The following CPA6 variants were observed in gnomAD, a reference collection of about 807,000 sequenced individuals.
The protein encoded by CPA6 is carboxypeptidase A6.
CPA6 carries 58 observed loss-of-function variants against 63.3 expected under a neutral mutation model. That is an observed-to-expected ratio of 0.92 (90% CI 0.74 to 1.14). CPA6 has a LOEUF of 1.14. Ranked by LOEUF, CPA6 falls within the 50% of genes most tolerant of loss-of-function variation. The pLI is 0.00. For synonymous variants in CPA6, 185 were observed against 179.0 expected (o/e 1.03, Z -0.27); for missense variants, 565 against 526.6 (o/e 1.07, Z -0.71).
chr8:67,669,101 C>T (rs1269140253), intron 1 of CPA6, among the ~76,000 whole-genome samples: 1 of 152,178 alleles, frequency 6.6e-6, no homozygotes, highest in Non-Finnish European at 1.5e-5. Context: ...AATCCAGTAC[C>T]ATTATCAATT....
chr8:67,732,514 C>T (rs1817724951), intron 1 of CPA6: 1 of 152,206 alleles, frequency 6.6e-6, no homozygotes, highest in Non-Finnish European at 1.5e-5. Flanking sequence ...TTACTCTCAA[C>T]TTGCTTATTT....
In CPA6 at chr8:67,507,999, T is replaced by TTGTGTGTG. The variant is rs145996041; in HGVS notation, c.535-1119_535-1112dup. Among the ~76,000 whole-genome samples, 225 of 142,382 alleles carry TTGTGTGTG rather than the reference T, an allele frequency of 1.6e-3. 2 individuals are homozygous for TTGTGTGTG. Among genetic ancestry groups the TTGTGTGTG allele is most frequent in the East Asian group, 6.6e-3 (31 of 4,726 alleles). The allele number at this position is 142,382 out of a possible 152,430, so 93.4% of individuals were successfully genotyped here. A position where few individuals can be genotyped will look rare whatever the true frequency, so the allele number is the denominator to read the frequency against. On this transcript the variant is annotated intron_variant, in intron 5 of 10. Transcript: ENST00000297770. ...TTCCTCCTGTATTCTATGGGGTGCTTTGTGTGTGTGTGTGTGTGTGTGTGT... is the reference window on the plus strand; with the variant it reads ...TTCCTCCTGTATTCTATGGGGTGCTTTGTGTGTGTGTGTGTGTGTGTGTGTGTGTGTGT...
chr8:67,682,012 T>C (rs1284061969), intron 1 of CPA6, among the ~76,000 whole-genome samples: 1 of 152,194 alleles, frequency 6.6e-6, no homozygotes, highest in Non-Finnish European at 1.5e-5. Context: ...AAAAACCTGT[T>C]ACTTTGTTTC....
At chr8:67,713,514 CT>C (rs765477245) in intron 1 of CPA6, among the ~76,000 whole-genome samples, 4 of 152,118 alleles carry the variant, frequency 2.6e-5, no homozygotes, top group Non-Finnish European at 5.9e-5. Flanking sequence ...CATGGCTCTG[CT>C]TTAGTGAAAA....
chr8:67,434,728 C>A (rs956140678), intron 8 of CPA6, among the ~76,000 whole-genome samples: 9 of 152,234 alleles, frequency 5.9e-5, no homozygotes, highest in Non-Finnish European at 1.2e-4. Context: ...GTGGCAGCAG[C>A]AGGCGGACCT....
chr8:67,720,240 T>C (rs1054721419), intron 1 of CPA6, among the ~76,000 whole-genome samples: 54 of 152,000 alleles, frequency 3.6e-4, no homozygotes, highest in East Asian at 1.9e-4. Context: ...GGTAATGTCA[T>C]CAGTTAAGGC....
At chr8:67,579,140 G>A (rs949601728) in intron 2 of CPA6, among the ~76,000 whole-genome samples, 8 of 152,068 alleles carry the variant, frequency 5.3e-5, no homozygotes, top group Non-Finnish European at 1.2e-4. Flanking sequence ...GCTGGGCGTG[G>A]TGGCTCACGC....
At chr8:67,443,775 G>A (rs1217850619) in intron 8 of CPA6, among the ~76,000 whole-genome samples, 1 of 151,866 alleles carries the variant, frequency 6.6e-6, no homozygotes, top group Non-Finnish European at 1.5e-5. Context: ...CTATAATCAG[G>A]GAGACCAAAT....
chr8:67,714,309 C>A (rs748718676), intron 1 of CPA6, among the ~76,000 whole-genome samples: 15 of 152,136 alleles, frequency 9.9e-5, no homozygotes, highest in Non-Finnish European at 1.9e-4. Context: ...TTTGCCCCAA[C>A]TGAGGAGAAA....
intron 8 of CPA6, among the ~76,000 whole-genome samples, chr8:67,437,372 G>C (rs1810185814): frequency 6.6e-6 from 1 of 152,190 alleles, no homozygotes; most frequent in South Asian, 2.1e-4. Flanking sequence ...TCCAGCCTGG[G>C]CGACAGAGCG....
chr8:67,680,254 CA>C (rs1394684191), intron 1 of CPA6, among the ~76,000 whole-genome samples: 1 of 152,080 alleles, frequency 6.6e-6, no homozygotes, highest in Non-Finnish European at 1.5e-5. Flanking sequence ...GTAATTCCAG[CA>C]CTTTGGGAGG....
chr8:67,570,639 T>C (rs919410155), intron 2 of CPA6, among the ~76,000 whole-genome samples: 8 of 152,138 alleles, frequency 5.3e-5, no homozygotes, highest in Admixed American at 3.9e-4. Context: ...TAGACTGTTA[T>C]AAGATATTCT....
At chr8:67,623,236 G>A (rs554756418) in intron 2 of CPA6, among the ~76,000 whole-genome samples, 1 of 152,134 alleles carries the variant, frequency 6.6e-6, no homozygotes, top group East Asian at 1.9e-4. Context: ...ACAGGAAACT[G>A]AATTCATTCA....
intron 1 of CPA6, among the ~76,000 whole-genome samples, chr8:67,646,436 C>T (rs1301152031): frequency 6.6e-6 from 1 of 152,104 alleles, no homozygotes; most frequent in African/African-American, 2.4e-5. Context: ...TTCATGGGAT[C>T]GAACAGGGAA....
chr8:67,432,657 T>A (rs1181201316), intron 9 of CPA6, among the ~76,000 whole-genome samples: 2 of 152,288 alleles, frequency 1.3e-5, no homozygotes, highest in African/African-American at 2.4e-5. Context: ...GAGATGGGCA[T>A]CTCACCATGT....
At chr8:67,484,655 A>C in intron 7 of CPA6, 24 bp downstream of exon 7, 1 of 1,250,912 alleles carries the variant, frequency 8.0e-7, no homozygotes, top group Non-Finnish European at 1.2e-6. Flanking sequence ...TCCTCTTTTC[A>C]ACTGGGTAGG....
At chr8:67,521,452 G>A (rs1401100790) in intron 2 of CPA6, among the ~76,000 whole-genome samples, 1 of 152,186 alleles carries the variant, frequency 6.6e-6, no homozygotes, top group Non-Finnish European at 1.5e-5. Context: ...TACCCAGCAG[G>A]CTTTCTTGGA....
intron 8 of CPA6, among the ~76,000 whole-genome samples, chr8:67,446,921 A>C (rs906608230): frequency 1.3e-5 from 2 of 152,126 alleles, no homozygotes; most frequent in Non-Finnish European, 2.9e-5. Context: ...AAATACACAT[A>C]GTTTACAAGT....
chr8:67,435,714 G>A (rs911990472), intron 8 of CPA6, among the ~76,000 whole-genome samples: 19 of 152,258 alleles, frequency 1.2e-4, no homozygotes, highest in African/African-American at 4.3e-4. Flanking sequence ...GATAGGTGCA[G>A]TGGTCAGATG....
Sources: gnomAD v4.1 joint callset for allele counts (sites outside exome capture counted in the v4.1 genomes callset) on GRCh38, gnomAD v4.1.1 for gene constraint, MANE v1.5 for transcripts, NCBI Gene and HGNC (gene_info 2026-07-23, HGNC 2026-07-21) for gene names.